IQGAP2: variants seen among roughly 807,000 people sequenced by gnomAD.
IQGAP2 encodes ras GTPase-activating-like protein IQGAP2.
A neutral mutation model predicts 201.3 loss-of-function variants in IQGAP2; 173 were observed. That is an observed-to-expected ratio of 0.86 (90% CI 0.76 to 0.98). The LOEUF (loss-of-function observed/expected upper bound fraction) is 0.98, where lower values mean the gene tolerates loss of function less well. Among genes scored for constraint, IQGAP2 ranks in the 50% least tolerant of loss-of-function variants. The pLI is 0.00. For synonymous variants in IQGAP2, 675 were observed against 673.9 expected (o/e 1.00, Z -0.03); for missense variants, 1,687 against 1,864.8 (o/e 0.90, Z 1.76).
intron 2 of IQGAP2, among the ~76,000 whole-genome samples, chr5:76,501,503 T>C (rs1757270753): frequency 6.6e-6 from 1 of 151,942 alleles, no homozygotes; most frequent in African/African-American, 2.4e-5. Context: ...ATTTGAAGAG[T>C]CTATAGTGTT....
intron 4 of IQGAP2, among the ~76,000 whole-genome samples, chr5:76,573,698 G>A (rs922615584): frequency 6.7e-6 from 1 of 149,214 alleles, no homozygotes; most frequent in African/African-American, 2.6e-5. Flanking sequence ...TGCAATCTTC[G>A]CCTCCTGGGT....
In IQGAP2 at chr5:76,631,890, T is replaced by C. The variant is rs1483577477; in HGVS notation, c.1644T>C (p.Cys548=). The stretch of plus-strand genomic sequence containing the variant: ...CTCTGGTGGTTGATGTTAATCAGTG[T>C]TTGGAAGGAAAAAAATCAAGTGATA... The part of the protein sequence containing the change: ...WVTLVVDVNQ[C]LEGKKSSDIL... The change falls in exon 15 of 36, where the codon TGT becomes TGC. Residue 548 remains cysteine (C), a synonymous_variant. Coordinates refer to ENST00000274364, the MANE Select transcript of IQGAP2 (RefSeq NM_006633.5). The C allele has an allele frequency of 6.2e-7, 1 of 1,608,314 alleles. No individual in the cohort carries two copies. The highest frequency in any genetic ancestry group is 1.7e-5 in the Admixed American group (1 of 59,220).
rs545075353 is a variant in IQGAP2 at position 76,416,313 on chromosome 5, G to C, written c.46+12722G>C. On this transcript the variant is annotated intron_variant, in intron 1 of 35. Transcript: ENST00000274364. ...ATTGGAAGGGAAACATTTGTGAGCA[G>C]TGTACAGGCAAAACAAGATAGATTA... Among the ~76,000 whole-genome samples, 21 of 152,366 alleles carry C rather than the reference G, an allele frequency of 1.4e-4. No individual in the cohort carries two copies. The East Asian group carries it at 2.9e-3, about 21-fold the overall frequency.
intron 11 of IQGAP2, among the ~76,000 whole-genome samples, chr5:76,603,452 A>T (rs2150326695): frequency 6.6e-6 from 1 of 152,248 alleles, no homozygotes; most frequent in Non-Finnish European, 1.5e-5. Flanking sequence ...AAGAAACAAA[A>T]GCCCCACTCT....
chr5:76,462,380 C>G (rs1255520479), intron 2 of IQGAP2, among the ~76,000 whole-genome samples: 1 of 152,160 alleles, frequency 6.6e-6, no homozygotes, highest in Non-Finnish European at 1.5e-5. Context: ...TATATTGTCT[C>G]TAAAATCACA....
chr5:76,468,877 G>A (rs1754946363), intron 2 of IQGAP2, among the ~76,000 whole-genome samples: 1 of 152,058 alleles, frequency 6.6e-6, no homozygotes, highest in East Asian at 1.9e-4. Flanking sequence ...CTTTTTCAGG[G>A]TATCCTTCTC....
chr5:76,618,910 A>G (rs771389135), intron 13 of IQGAP2, among the ~76,000 whole-genome samples: 6 of 152,234 alleles, frequency 3.9e-5, no homozygotes, highest in Non-Finnish European at 8.8e-5. Flanking sequence ...AAAACAGCCC[A>G]TCAGAACATT....
intron 13 of IQGAP2, among the ~76,000 whole-genome samples, chr5:76,621,856 A>C (rs1376897404): frequency 2.0e-5 from 3 of 152,104 alleles, no homozygotes; most frequent in Non-Finnish European, 4.4e-5. Flanking sequence ...TCTATCCGGG[A>C]AAAGGCCTTG....
chr5:76,562,670 C>A, intron 3 of IQGAP2, 118 bp downstream of exon 3: 1 of 882,936 alleles, frequency 1.1e-6, no homozygotes, highest in Non-Finnish European at 1.7e-6. Flanking sequence ...TGGGGGATGT[C>A]TTTGGAGCCT....
chr5:76,405,464 T>A (rs1294344385), intron 1 of IQGAP2, among the ~76,000 whole-genome samples: 1 of 152,248 alleles, frequency 6.6e-6, no homozygotes, highest in Non-Finnish European at 1.5e-5. Context: ...CACTTAACAC[T>A]GTCAAAATGG....
At chr5:76,539,230 G>A (rs1759792626) in intron 2 of IQGAP2, among the ~76,000 whole-genome samples, 1 of 152,340 alleles carries the variant, frequency 6.6e-6, no homozygotes, top group African/African-American at 2.4e-5. Flanking sequence ...TCTGTCCAGG[G>A]GTTGTAGGGA....
rs1189387046 is a variant in IQGAP2 at position 76,595,842 on chromosome 5, A to G, written c.908-1597A>G. Among the ~76,000 whole-genome samples, 5 of 152,308 alleles carry G rather than the reference A, an allele frequency of 3.3e-5. No homozygotes were observed. In the East Asian group the frequency reaches 9.6e-4, roughly 29 times the overall value. On this transcript the variant is annotated intron_variant, in intron 9 of 35. Transcript: ENST00000274364. The stretch of plus-strand genomic sequence containing the variant: ...CATGATTTTCTGATGTTTGAAATAT[A>G]GCTGTACAAACCCATATAATAAATT...
chr5:76,641,241 G>T, intron 17 of IQGAP2, 138 bp downstream of exon 17: 1 of 617,508 alleles, frequency 1.6e-6, no homozygotes, highest in Non-Finnish European at 2.7e-6. Context: ...AGTGCCCCTA[G>T]TCTACTTCAC....
intron 13 of IQGAP2, among the ~76,000 whole-genome samples, chr5:76,621,750 GT>G (rs1028211728): frequency 2.6e-5 from 4 of 152,052 alleles, no homozygotes; most frequent in Non-Finnish European, 5.9e-5. Context: ...TCAGAGCCTG[GT>G]TTTCCTTATG....
chr5:76,685,934 C>T (rs1745699426), intron 30 of IQGAP2, among the ~76,000 whole-genome samples: 1 of 152,162 alleles, frequency 6.6e-6, no homozygotes, highest in African/African-American at 2.4e-5. Flanking sequence ...TTCCCCATTC[C>T]CCGCTGCTGC....
At chr5:76,521,187 G>A (rs1758660253) in intron 2 of IQGAP2, among the ~76,000 whole-genome samples, 1 of 152,068 alleles carries the variant, frequency 6.6e-6, no homozygotes, top group Admixed American at 6.5e-5. Flanking sequence ...TTTTACTGCA[G>A]TAGGTACACT....
At chr5:76,441,580 C>A in intron 1 of IQGAP2, 1 of 919,366 alleles carries the variant, frequency 1.1e-6, no homozygotes, top group Non-Finnish European at 1.3e-6. Context: ...GTTCGTGAAT[C>A]TCAGCGGTAT....
At chr5:76,613,369 C>T (rs7735320) in intron 13 of IQGAP2, among the ~76,000 whole-genome samples, 103,769 of 152,156 alleles carry the variant, frequency 0.68, 37,485 homozygotes, top group South Asian at 0.84. Context: ...AGACATCATT[C>T]AAATCCTGGC....
intron 1 of IQGAP2, among the ~76,000 whole-genome samples, chr5:76,411,652 A>G (rs991798110): frequency 2.6e-5 from 4 of 152,182 alleles, no homozygotes; most frequent in Non-Finnish European, 5.9e-5. Flanking sequence ...GTTACGGTGC[A>G]GTAAGAAGGC....
Sources: gnomAD v4.1 joint callset for allele counts (sites outside exome capture counted in the v4.1 genomes callset) on GRCh38, gnomAD v4.1.1 for gene constraint, MANE v1.5 for transcripts, NCBI Gene and HGNC (gene_info 2026-07-23, HGNC 2026-07-21) for gene names.